Variants in MAGED1 observed in about 807,000 individuals in gnomAD.
MAGED1 encodes MAGE family member D1.
A neutral mutation model predicts 54.1 loss-of-function variants in MAGED1; 3 were observed. That is an observed-to-expected ratio of 0.06 (90% CI 0.03 to 0.14). MAGED1 has a LOEUF of 0.14. Ranked by LOEUF, MAGED1 falls within the 10% of genes least tolerant of loss-of-function variation. The pLI, the probability that MAGED1 is intolerant of heterozygous loss-of-function variation, is 1.00. For synonymous variants in MAGED1, 217 were observed against 227.3 expected (o/e 0.95, Z 0.41); for missense variants, 485 against 623.4 (o/e 0.78, Z 2.36).
At position 51,823,137 on chromosome X, in the gene MAGED1, T is replaced by TA. The variant is rs1925706064; in HGVS notation, c.-37+20021dup. 2.7e-5 allele frequency among the ~76,000 whole-genome samples: 3 copies of TA among 112,227 alleles called. No individual in the cohort carries two copies. In the Admixed American group the frequency reaches 2.8e-4, roughly 11 times the overall value. On this transcript the variant is annotated intron_variant, in intron 1 of 12. Coordinates refer to the MAGED1 transcript ENST00000375772. ...TTGAGAAGAATGTGTATTCATCTGT[T>TA]ACTGGGTTAAGTGTTCTATAGTGTC...
chrX:51,873,557 G>GAGAC (rs1430866747), intron 1 of MAGED1, among the ~76,000 whole-genome samples: 6 of 106,857 alleles, frequency 5.6e-5, no homozygotes, highest in African/African-American at 2.1e-4. Context: ...GAGAGAGAGA[G>GAGAC]AGAAGTTGGG....
At chrX:51,846,955 A>T (rs2146975448) in intron 1 of MAGED1, among the ~76,000 whole-genome samples, 1 of 112,148 alleles carries the variant, frequency 8.9e-6, no homozygotes, top group Admixed American at 9.4e-5. Flanking sequence ...CACAACTATA[A>T]GAAAATACAT....
chrX:51,831,027 A>G (rs1273257888), intron 1 of MAGED1, among the ~76,000 whole-genome samples: 2 of 110,886 alleles, frequency 1.8e-5, no homozygotes, highest in African/African-American at 6.6e-5. Context: ...ACGCCCAGCT[A>G]ATTTTTGTAT....
At chrX:51,809,442 G>A (rs1224703412) in intron 1 of MAGED1, among the ~76,000 whole-genome samples, 1 of 111,650 alleles carries the variant, frequency 9.0e-6, no homozygotes, top group East Asian at 2.8e-4. Context: ...TTGAAAGATC[G>A]TTGATTAATT....
At chrX:51,878,302 G>A (rs1002277418) in intron 1 of MAGED1, among the ~76,000 whole-genome samples, 35 of 111,272 alleles carry the variant, frequency 3.1e-4, no homozygotes, top group African/African-American at 1.0e-3. Flanking sequence ...ATGAAGGAAG[G>A]TGTAATCTAT....
intron 1 of MAGED1, among the ~76,000 whole-genome samples, chrX:51,840,842 C>T (rs1373555869): frequency 1.5e-4 from 16 of 110,313 alleles, no homozygotes; most frequent in African/African-American, 5.3e-4. Context: ...CATTGTTGGA[C>T]ATTTGGGTTG....
At chrX:51,812,941 T>A (rs1174303381) in intron 1 of MAGED1, among the ~76,000 whole-genome samples, 4 of 108,929 alleles carry the variant, frequency 3.7e-5, no homozygotes, top group Admixed American at 9.9e-5. Context: ...TTTTTTTTTT[T>A]AAATTACAAC....
At chrX:51,901,990 T>TC in intron 12 of MAGED1, 52 bp downstream of exon 12, 1 of 1,103,357 alleles carries the variant, frequency 9.1e-7, no homozygotes, top group Non-Finnish European at 1.2e-6. Flanking sequence ...GGATATAGGG[T>TC]CCATGGGGTT....
At chrX:51,813,019 A>G (rs1245501674) in intron 1 of MAGED1, among the ~76,000 whole-genome samples, 1 of 85,773 alleles carries the variant, frequency 1.2e-5, no homozygotes, top group Admixed American at 1.3e-4. Context: ...AACCGCTGAC[A>G]TCTTTTTTTT....
chrX:51,895,823 A>G (rs1928727390), intron 3 of MAGED1, 63 bp downstream of exon 3: 1 of 907,786 alleles, frequency 1.1e-6, no homozygotes, highest in Admixed American at 3.2e-5. Context: ...GAGGGTGTTC[A>G]TTTGTTCTAA....
intron 1 of MAGED1, among the ~76,000 whole-genome samples, chrX:51,875,884 G>A (rs1927848152): frequency 9.0e-6 from 1 of 111,444 alleles, no homozygotes; most frequent in Non-Finnish European, 1.9e-5. Context: ...TCTTTCAAAG[G>A]ATAGATGTTT....
chrX:51,899,608 GT>G (rs2147024159), intron 10 of MAGED1: 1 of 110,896 alleles, frequency 9.0e-6, no homozygotes, highest in Non-Finnish European at 1.9e-5. Flanking sequence ...GTGCCCGGCT[GT>G]TTTTGTATTT....
intron 1 of MAGED1, among the ~76,000 whole-genome samples, chrX:51,815,842 T>C (rs1168571566): frequency 2.7e-5 from 3 of 111,853 alleles, no homozygotes; most frequent in African/African-American, 9.8e-5. Flanking sequence ...TTTTAAAAGC[T>C]AAACATCATT....
chrX:51,841,054 G>A (rs1438289982), intron 1 of MAGED1, among the ~76,000 whole-genome samples: 1 of 106,849 alleles, frequency 9.4e-6, no homozygotes, highest in East Asian at 3.0e-4. Flanking sequence ...GCCACCAACA[G>A]TGTAAAAGTG....
intron 1 of MAGED1, among the ~76,000 whole-genome samples, chrX:51,884,885 A>G (rs1928186872): frequency 8.9e-6 from 1 of 112,410 alleles, no homozygotes; most frequent in South Asian, 3.7e-4. Context: ...TTGATTGACA[A>G]AGAAAAAGCA....
chrX:51,852,276 C>T (rs1391755962), intron 1 of MAGED1, among the ~76,000 whole-genome samples: 1 of 111,502 alleles, frequency 9.0e-6, no homozygotes, highest in Non-Finnish European at 1.9e-5. Flanking sequence ...ACACTGGGCT[C>T]ACCAAGATAA....
chrX:51,880,491 T>C (rs1557362402), intron 1 of MAGED1, among the ~76,000 whole-genome samples: 1 of 112,015 alleles, frequency 8.9e-6, no homozygotes, highest in East Asian at 2.8e-4. Context: ...ATATAATTTA[T>C]GTTGAGTTGC....
chrX:51,862,905 T>C (rs782481654), intron 1 of MAGED1, among the ~76,000 whole-genome samples: 8 of 112,123 alleles, frequency 7.1e-5, no homozygotes, highest in Admixed American at 1.9e-4. Context: ...GATATAAATA[T>C]ACATTGGGAA....
In MAGED1 at chrX:51,807,192, C is replaced by T. The variant is rs147527645; in HGVS notation, c.-37+4075C>T. On this transcript the variant is annotated intron_variant, in intron 1 of 12. Transcript: ENST00000375772. ...ATGGTATCTCACTGTGGTTTTATTTCGCATTTCTCTGATGATGGACCTTTC... is the reference window on the plus strand; with the variant it reads ...ATGGTATCTCACTGTGGTTTTATTTTGCATTTCTCTGATGATGGACCTTTC... 7.0e-3 allele frequency among the ~76,000 whole-genome samples: 778 copies of T among 111,635 alleles called. 9 individuals are homozygous for T. The highest frequency in any genetic ancestry group is 0.024 in the African/African-American group (726 of 30,775).
Sources: gnomAD v4.1 joint callset for allele counts (sites outside exome capture counted in the v4.1 genomes callset) on GRCh38, gnomAD v4.1.1 for gene constraint, MANE v1.5 for transcripts, NCBI Gene and HGNC (gene_info 2026-07-23, HGNC 2026-07-21) for gene names.